The following TMEM164 variants were observed in gnomAD, a reference collection of about 807,000 sequenced individuals.
TMEM164 encodes the protein transmembrane protein 164, also known as RP13-360B22.2.
In TMEM164, 4 loss-of-function variants were observed where a neutral mutation model predicts 18.8. That is an observed-to-expected ratio of 0.21 (90% confidence interval 0.10 to 0.49). TMEM164 has a LOEUF of 0.49. TMEM164 is among the 20% of genes least tolerant of loss of function. TMEM164 has a pLI of 0.98. For missense variants in TMEM164, 108 were observed against 239.9 expected, an observed-to-expected ratio of 0.45 and a Z score of 3.63; for synonymous variants, 86 against 101.7, an observed-to-expected ratio of 0.85 and a Z score of 0.93.
At chrX:110,133,967 T>C (rs1240367330) in intron 4 of TMEM164, among the ~76,000 whole-genome samples, 1 of 111,887 alleles carries the variant, frequency 8.9e-6, no homozygotes, top group Non-Finnish European at 1.9e-5. Flanking sequence ...CTAAGTGAGC[T>C]CTTGTAGAGT....
chrX:110,124,227 G>T (rs950101764), intron 4 of TMEM164, among the ~76,000 whole-genome samples: 4 of 110,689 alleles, frequency 3.6e-5, no homozygotes, highest in Non-Finnish European at 5.7e-5. Flanking sequence ...AGGAAGGCAG[G>T]CTGGCTGGAC....
intron 2 of TMEM164, among the ~76,000 whole-genome samples, chrX:110,014,110 A>G (rs1933166857): frequency 9.0e-6 from 1 of 110,857 alleles, no homozygotes; most frequent in African/African-American, 3.3e-5. Flanking sequence ...TTAAGATAGT[A>G]TCTGGCACAT....
intron 4 of TMEM164, among the ~76,000 whole-genome samples, chrX:110,114,890 C>A (rs905930151): frequency 7.1e-5 from 8 of 111,913 alleles, no homozygotes; most frequent in Non-Finnish European, 1.3e-4. Context: ...ATCAAACTTG[C>A]CCATTATTAT....
intron 3 of TMEM164, among the ~76,000 whole-genome samples, chrX:110,099,005 A>G (rs899441213): frequency 2.0e-4 from 16 of 79,208 alleles, no homozygotes; most frequent in East Asian, 1.5e-3. Context: ...TCATCATGTT[A>G]GCCAGGATGG....
chrX:110,020,733 C>T (rs1933766554), intron 2 of TMEM164: 2 of 726,868 alleles, frequency 2.8e-6, no homozygotes, highest in East Asian at 1.5e-4. Flanking sequence ...AATATTTACT[C>T]TACAAATGTT....
chrX:110,025,388 C>T (rs745341656), intron 2 of TMEM164, among the ~76,000 whole-genome samples: 1 of 111,628 alleles, frequency 9.0e-6, no homozygotes, highest in African/African-American at 3.3e-5. Context: ...GAAAGCCCAA[C>T]AATATTGCTA....
At chrX:110,119,134 G>C (rs1404861427) in intron 4 of TMEM164, among the ~76,000 whole-genome samples, 2 of 111,333 alleles carry the variant, frequency 1.8e-5, no homozygotes, top group African/African-American at 6.5e-5. Flanking sequence ...CATATTTACT[G>C]TTGAAAATTT....
intron 4 of TMEM164, 52 bp downstream of exon 4, chrX:110,109,198 C>G (rs1336749000): frequency 9.2e-7 from 1 of 1,087,173 alleles, no homozygotes; most frequent in South Asian, 1.8e-5. Flanking sequence ...CAGTACTTGC[C>G]TATATGCCCA....
Position 110,144,823 on chromosome X carries a change from A to G in TMEM164, c.533A>G (p.Tyr178Cys). 8.3e-7 allele frequency: 1 copy of G among 1,208,401 alleles called. No individual in the cohort carries two copies. The highest frequency in any genetic ancestry group is 1.1e-6 in the Non-Finnish European group (1 of 893,157). ...RLLPFELEIYYIQHVMLYVVP... is the reference protein window; with the variant it reads ...RLLPFELEIYCIQHVMLYVVP... ...CTCCCCTTTGAATTGGAGATTTACT[A>G]CATTCAGCATGTTATGCTCTACGTG... is the stretch of plus-strand genomic sequence containing the variant. Residue 178 changes from tyrosine to cysteine, a missense_variant, in exon 5 of 7, where the codon TAC (tyrosine) becomes TGC (cysteine). Transcript: ENST00000372068.
rs185434978 is a variant in TMEM164 at position 110,086,025 on chromosome X, A to C, written c.440+18629A>C. Among the ~76,000 whole-genome samples, 396 of 111,983 alleles carry C rather than the reference A, an allele frequency of 3.5e-3. 1 individual carries two copies. Among genetic ancestry groups the C allele is most frequent in the African/African-American group, 0.011 (347 of 30,890 alleles). On this transcript the variant is annotated intron_variant, in intron 3 of 6. Transcript: ENST00000372068. ...GTTGTGGAAGGACTCAATGTTTCCT[A>C]TCTTCTTTTAGGTTTCTGTGGGCTG...
At chrX:110,033,858 G>A (rs1054135380) in intron 2 of TMEM164, among the ~76,000 whole-genome samples, 56 of 111,685 alleles carry the variant, frequency 5.0e-4, no homozygotes, top group Non-Finnish European at 1.1e-4. Context: ...AGGAAACAGG[G>A]AAAAGCTTGG....
chrX:110,135,084 C>T (rs1357855274), intron 4 of TMEM164, among the ~76,000 whole-genome samples: 4 of 110,546 alleles, frequency 3.6e-5, no homozygotes, highest in African/African-American at 1.3e-4. Flanking sequence ...TACAAGTATA[C>T]AGAGCCCAAA....
At chrX:110,164,214 A>T (rs952139725) in intron 5 of TMEM164, among the ~76,000 whole-genome samples, 5 of 111,841 alleles carry the variant, frequency 4.5e-5, no homozygotes, top group Admixed American at 3.8e-4. Flanking sequence ...GGAGCTTTGG[A>T]TTCAACCAGG....
downstream of TMEM164, among the ~76,000 whole-genome samples, chrX:110,178,459 T>C (rs980097519): frequency 4.5e-5 from 5 of 111,615 alleles, no homozygotes; most frequent in African/African-American, 1.6e-4. Flanking sequence ...AGTTGGTTCG[T>C]GTCCTTCCCC....
intron 2 of TMEM164, among the ~76,000 whole-genome samples, chrX:110,029,896 T>G (rs1161865404): frequency 9.0e-6 from 1 of 111,242 alleles, no homozygotes; most frequent in African/African-American, 3.3e-5. Context: ...TTAGGGTCCC[T>G]TGTTTCAGGT....
At chrX:110,103,477 G>T (rs750902415) in intron 3 of TMEM164, among the ~76,000 whole-genome samples, 22 of 111,622 alleles carry the variant, frequency 2.0e-4, no homozygotes, top group Non-Finnish European at 2.8e-4. Context: ...GTTGTCTGGT[G>T]TCTGGCCCTG....
intron 5 of TMEM164, among the ~76,000 whole-genome samples, chrX:110,149,746 C>T (rs187574780): frequency 8.9e-6 from 1 of 111,887 alleles, no homozygotes; most frequent in Non-Finnish European, 1.9e-5. Context: ...CTCAACTTCT[C>T]TACCTAAATG....
At chrX:110,138,723 G>T (rs1451863248) in intron 4 of TMEM164, among the ~76,000 whole-genome samples, 5 of 112,313 alleles carry the variant, frequency 4.5e-5, no homozygotes, top group Non-Finnish European at 9.4e-5. Context: ...CCTGAAAATA[G>T]ACCAGGACTA....
At chrX:110,031,446 A>G (rs759981376) in intron 2 of TMEM164, among the ~76,000 whole-genome samples, 31 of 110,917 alleles carry the variant, frequency 2.8e-4, no homozygotes, top group Non-Finnish European at 4.3e-4. Flanking sequence ...CAGCTTTCCA[A>G]GTAGCTGGGA....
Sources: gnomAD v4.1 joint callset for allele counts (sites outside exome capture counted in the v4.1 genomes callset) on GRCh38, gnomAD v4.1.1 for gene constraint, MANE v1.5 for transcripts, NCBI Gene and HGNC (gene_info 2026-07-23, HGNC 2026-07-21) for gene names.